HK2: variants seen among roughly 807,000 people sequenced by gnomAD.
The protein encoded by HK2 is hexokinase 2, also known as hexokinase-2.
In HK2, 42 loss-of-function variants were observed where a neutral mutation model predicts 92.9. That is an observed-to-expected ratio of 0.45 (90% CI 0.35 to 0.58). The LOEUF is 0.58. HK2 is among the 20% of genes least tolerant of loss of function. The pLI, the probability that HK2 is intolerant of heterozygous loss-of-function variation, is 0.00. For missense variants in HK2, 978 were observed against 1,245.1 expected (o/e 0.79, Z 3.23); for synonymous variants, 422 against 468.0 (o/e 0.90, Z 1.27).
intron 1 of HK2, among the ~76,000 whole-genome samples, chr2:74,846,923 T>C (rs1242093742): frequency 1.3e-5 from 2 of 152,184 alleles, no homozygotes; most frequent in East Asian, 3.8e-4. Context: ...AGGGGCCAAA[T>C]AGGAGTGTTG....
At chr2:74,851,076 C>T (rs1688555792) in intron 1 of HK2, among the ~76,000 whole-genome samples, 1 of 152,164 alleles carries the variant, frequency 6.6e-6, no homozygotes, top group Non-Finnish European at 1.5e-5. Flanking sequence ...GTCCCAGGGT[C>T]ATCCAAGAAA....
chr2:74,888,754 G>A (rs1195175703), intron 16 of HK2, among the ~76,000 whole-genome samples: 1 of 152,164 alleles, frequency 6.6e-6, no homozygotes, highest in Admixed American at 6.5e-5. Flanking sequence ...CTTTATATAG[G>A]AGGGTTTATT....
intron 8 of HK2, among the ~76,000 whole-genome samples, 172 bp from the exon 9 acceptor site, chr2:74,878,516 C>T (rs936687894): frequency 3.3e-5 from 5 of 151,930 alleles, no homozygotes; most frequent in African/African-American, 9.7e-5. Flanking sequence ...ATTTTGCACC[C>T]CCTTCCTCCT....
At position 74,872,382 on chromosome 2, in the gene HK2, C is replaced by G; in HGVS notation, c.458C>G (p.Thr153Ser). Residue 153 changes from threonine to serine, a missense_variant, in exon 4 of 18, where the codon ACC (threonine) becomes AGC (serine). This residue lies in a region of HK2 where 189 missense variants were observed against 289.5 expected (regional missense o/e 0.65). Coordinates refer to ENST00000290573, the MANE Select transcript of HK2 (RefSeq NM_000189.5). ...IKDKKLPLGF[T>S]FSFPCHQTKL... is the part of the protein sequence containing the mutation. ...GACAAGAAGCTCCCACTGGGTTTTA[C>G]CTTCTCGTTCCCCTGCCACCAGACT... The G allele has an allele frequency of 6.2e-7, 1 of 1,614,098 alleles. No homozygotes were observed. The highest frequency in any genetic ancestry group is 1.7e-5 in the Admixed American group (1 of 60,030).
Position 74,889,360 on chromosome 2 carries a change from G to A in HK2, c.2491G>A (p.Ala831Thr). Residue 831 changes from alanine (A) to threonine (T), a missense_variant, in exon 17 of 18, where the codon GCC becomes ACC. Ala to Thr is a moderately conservative substitution (Grantham distance 58). Around this residue, in one of 3 missense-constraint regions of HK2, gnomAD observed 742 missense variants for 922.5 expected, o/e 0.80. Coordinates refer to ENST00000290573, the MANE Select transcript of HK2 (RefSeq NM_000189.5). ...EVCTVVARRA[A>T]QLCGAGMAAV... The stretch of plus-strand genomic sequence containing the variant: ...GTGCACTGTGGTGGCCCGGCGGGCA[G>A]CCCAGCTCTGTGGCGCAGGCATGGC... 6.2e-7 allele frequency: 1 copy of A among 1,614,224 alleles called. No individual in the cohort carries two copies. The highest frequency in any genetic ancestry group is 1.3e-5 in the African/African-American group (1 of 75,062).
At chr2:74,844,188 T>C (rs1383108700) in intron 1 of HK2, among the ~76,000 whole-genome samples, 3 of 151,836 alleles carry the variant, frequency 2.0e-5, no homozygotes, top group Non-Finnish European at 4.4e-5. Flanking sequence ...CCATGTAGTC[T>C]AAACAAACCC....
At chr2:74,880,966 G>T (rs1467361305) in intron 10 of HK2, among the ~76,000 whole-genome samples, 3 of 152,228 alleles carry the variant, frequency 2.0e-5, no homozygotes, top group African/African-American at 7.2e-5. Flanking sequence ...AGGAATTCAG[G>T]TTCTAGAATC....
At chr2:74,855,729 G>A (rs1381588416) in intron 2 of HK2, among the ~76,000 whole-genome samples, 3 of 152,170 alleles carry the variant, frequency 2.0e-5, no homozygotes, top group Non-Finnish European at 2.9e-5. Context: ...GGGGTGTCTT[G>A]GTAATGTTAC....
intron 17 of HK2, among the ~76,000 whole-genome samples, chr2:74,890,369 G>A (rs1416907430): frequency 6.6e-6 from 1 of 152,252 alleles, no homozygotes; most frequent in Admixed American, 6.5e-5. Flanking sequence ...TCTGATATGA[G>A]GCTATGCGCC....
At chr2:74,878,054 C>T (rs1200928395) in intron 8 of HK2, among the ~76,000 whole-genome samples, 7 of 152,018 alleles carry the variant, frequency 4.6e-5, no homozygotes. Flanking sequence ...GTTGCTATAC[C>T]CCAAGGTGAT....
intron 1 of HK2, among the ~76,000 whole-genome samples, chr2:74,849,029 G>A (rs1279521538): frequency 2.0e-5 from 3 of 152,162 alleles, no homozygotes; most frequent in South Asian, 2.1e-4. Context: ...ACTGTGTATG[G>A]CCCACCCTGC....
At chr2:74,843,417 C>G (rs377423980) in intron 1 of HK2, among the ~76,000 whole-genome samples, 7 of 152,286 alleles carry the variant, frequency 4.6e-5, no homozygotes, top group African/African-American at 1.7e-4. Context: ...TGGCCCTGTT[C>G]CTGTGAACAG....
In HK2 at chr2:74,840,169, AGGAT is replaced by A. The variant is rs533573251; in HGVS notation, c.63+5529_63+5532del. The stretch of plus-strand genomic sequence containing the variant: ...GATGGGGTTTTTCACTGTGTTAGCC[AGGAT>A]GGTCTTATCTCCTGACCTCATGATC... On this transcript the variant is annotated intron_variant, in intron 1 of 17. Coordinates refer to ENST00000290573, the MANE Select transcript of HK2 (RefSeq NM_000189.5). Among the ~76,000 whole-genome samples the A allele has an allele frequency of 2.0e-5, 3 of 150,240 alleles. No individual in the cohort carries two copies. The South Asian group carries it at 6.3e-4, about 32-fold the overall frequency.
intron 2 of HK2, among the ~76,000 whole-genome samples, chr2:74,857,677 AAAAT>A: frequency 6.6e-6 from 1 of 152,162 alleles, no homozygotes; most frequent in Non-Finnish European, 1.5e-5. Context: ...AAATTTAAAA[AAAAT>A]AAAGTGGTCA....
In HK2 at chr2:74,882,717, T is replaced by A. The variant is rs1314286981; in HGVS notation, c.1839+478T>A. 2.7e-5 allele frequency among the ~76,000 whole-genome samples: 4 copies of A among 150,412 alleles called. No individual in the cohort carries two copies. In the East Asian group the frequency reaches 7.9e-4, roughly 30 times the overall value. On this transcript the variant is annotated intron_variant, in intron 12 of 17. Coordinates refer to ENST00000290573, the MANE Select transcript of HK2 (RefSeq NM_000189.5). ...TCACAGCAACCATATAAGAGATATGTTTGAATACCCATTCTACAGAAAGGA... is the reference window on the plus strand; with the variant it reads ...TCACAGCAACCATATAAGAGATATGATTGAATACCCATTCTACAGAAAGGA...
chr2:74,860,348 A>G (rs1158224233), intron 2 of HK2, among the ~76,000 whole-genome samples: 1 of 152,028 alleles, frequency 6.6e-6, no homozygotes, highest in Non-Finnish European at 1.5e-5. Flanking sequence ...ACTAAAAAAA[A>G]CCTCCATCAA....
chr2:74,842,538 GC>G (rs1688338179), intron 1 of HK2, among the ~76,000 whole-genome samples: 1 of 152,136 alleles, frequency 6.6e-6, no homozygotes, highest in Admixed American at 6.5e-5. Flanking sequence ...GCAAAAAGAG[GC>G]CCTGCTTTAC....
intron 1 of HK2, among the ~76,000 whole-genome samples, chr2:74,851,609 C>A (rs1688570089): frequency 6.6e-6 from 1 of 152,210 alleles, no homozygotes; most frequent in African/African-American, 2.4e-5. Context: ...ACAGGCTCAG[C>A]TCCTCAGTGC....
chr2:74,887,844 G>A (rs1689575603), intron 15 of HK2, 59 bp from the exon 16 acceptor site: 18 of 1,569,846 alleles, frequency 1.1e-5, no homozygotes, highest in Non-Finnish European at 1.4e-5. Flanking sequence ...GGCCTGTCCT[G>A]TCTCAACACA....
Sources: gnomAD v4.1 joint callset for allele counts (sites outside exome capture counted in the v4.1 genomes callset) on GRCh38, gnomAD v4.1.1 for gene constraint, gnomAD v4.1.1 regional missense constraint, MANE v1.5 for transcripts, NCBI Gene and HGNC (gene_info 2026-07-23, HGNC 2026-07-21) for gene names.